The following RRP7A variants were observed in gnomAD, a reference collection of about 807,000 sequenced individuals.
RRP7A encodes the protein ribosomal RNA processing 7 homolog A.
In RRP7A, 27 loss-of-function variants were observed where a neutral mutation model predicts 38.4. That is an observed-to-expected ratio of 0.70 (90% CI 0.52 to 0.97). The LOEUF is 0.97. RRP7A is among the 50% of genes least tolerant of loss of function. RRP7A has a pLI of 0.00. For missense variants in RRP7A, 327 were observed against 375.4 expected, an observed-to-expected ratio of 0.87 and a Z score of 1.07; for synonymous variants, 124 against 150.3, an observed-to-expected ratio of 0.83 and a Z score of 1.28.
In RRP7A at chr22:42,512,969, C is replaced by T. The variant is rs373463538; in HGVS notation, c.784G>A (p.Glu262Lys). ...EHLAQLRKKF[E>K]EDKQRIELLR... Reference sequence around the variant, plus strand: ...AGCTCGATCCTCTGCTTGTCCTCCTCGAACTTCTTGCGCAGCTGCGCTAGA... The same window carrying T: ...AGCTCGATCCTCTGCTTGTCCTCCTTGAACTTCTTGCGCAGCTGCGCTAGA... Residue 262 changes from glutamate to lysine, a missense_variant, in exon 7 of 7, where the codon GAG (glutamate) becomes AAG (lysine). Around this residue, in one of 5 missense-constraint regions of RRP7A, gnomAD observed 84 missense variants for 82.8 expected, o/e 1.01. Transcript: ENST00000323013. The T allele has an allele frequency of 4.5e-5, 72 of 1,613,280 alleles. No homozygotes were observed. Among genetic ancestry groups the T allele is most frequent in the South Asian group, 2.5e-4 (23 of 91,036 alleles).
chr22:42,515,976 C>G (rs909314482), intron 3 of RRP7A, 35 bp downstream of exon 3: 30 of 1,561,558 alleles, frequency 1.9e-5, no homozygotes, highest in African/African-American at 2.7e-5. Context: ...CCCCACCCCC[C>G]TCACTCTAGT....
rs778773648 is a variant in RRP7A, at chr22:42,509,156, G to C, written c.*3754C>G. 1 of 1,612,630 alleles carries C rather than the reference G, an allele frequency of 6.2e-7. No individual in the cohort carries two copies. The highest frequency in any genetic ancestry group is 1.1e-5 in the South Asian group (1 of 90,972). The stretch of plus-strand genomic sequence containing the variant: ...TTCAGTCACCCCCCAAGGAGACATG[G>C]GCGCCAGGAATCTCTGGGAGGGGGC... On this transcript the variant is annotated 3_prime_UTR_variant, in exon 7 of 7. Coordinates refer to ENST00000323013, the MANE Select transcript of RRP7A (RefSeq NM_015703.5).
In RRP7A at chr22:42,510,888, G is replaced by C. The variant is rs528469974; in HGVS notation, c.*2022C>G. 2.7e-6 allele frequency: 2 copies of C among 752,858 alleles called. No individual in the cohort carries two copies. Among genetic ancestry groups the C allele is most frequent in the East Asian group, 6.0e-5 (1 of 16,802 alleles). 46.6% of individuals were successfully genotyped at this position (752,858 alleles called of 1,614,324 possible). A position where few individuals can be genotyped will look rare whatever the true frequency, so the allele number is the denominator to read the frequency against. On this transcript the variant is annotated 3_prime_UTR_variant, in exon 7 of 7. Coordinates refer to ENST00000323013, the MANE Select transcript of RRP7A (RefSeq NM_015703.5). ...CTCATGCTCCAGTGATCAGTCCCTA[G>C]AGGCCTGGGGACACATGTAATCAGA...
chr22:42,512,187 A>G lies in RRP7A; in HGVS notation c.*723T>C, dbSNP rs1168800146. ...GAGCGAACCCCAGCACGTGGCCAGT[A>G]TCATCAGCTCCTTCTTACAGTGCAC... On this transcript the variant is annotated 3_prime_UTR_variant, in exon 7 of 7. Coordinates refer to ENST00000323013, the MANE Select transcript of RRP7A (RefSeq NM_015703.5). 26 of 1,611,014 alleles carry G rather than the reference A, an allele frequency of 1.6e-5. No homozygotes were observed. The highest frequency in any genetic ancestry group is 2.0e-5 in the Non-Finnish European group (24 of 1,177,480).
Position 42,516,142 on chromosome 22 carries a change from G to C in RRP7A, c.217-6C>G, listed in dbSNP as rs745424965. 1.9e-6 allele frequency: 3 copies of C among 1,612,360 alleles called. No individual in the cohort carries two copies. Among genetic ancestry groups the C allele is most frequent in the Non-Finnish European group, 2.5e-6 (3 of 1,179,168 alleles). ...AGGAGGCGGGACAGGCTCTCCTGCCGCAGGGAGAGGGAAGCCAAGTGTGAG... is the reference window on the plus strand; with the variant it reads ...AGGAGGCGGGACAGGCTCTCCTGCCCCAGGGAGAGGGAAGCCAAGTGTGAG... On this transcript the variant is annotated splice_polypyrimidine_tract_variant and splice_region_variant and intron_variant, in intron 2 of 6. Transcript: ENST00000323013.
chr22:42,516,177 G>A (rs1036385003), intron 2 of RRP7A, 41 bp from the exon 3 acceptor site: 2 of 1,608,442 alleles, frequency 1.2e-6, no homozygotes, highest in African/African-American at 2.7e-5. Context: ...GCATCCGCAG[G>A]GCCATCCCAA....
intron 1 of RRP7A, among the ~76,000 whole-genome samples, chr22:42,518,931 A>G (rs113062148): frequency 0.1 from 13,378 of 133,808 alleles, 1,163 homozygotes; most frequent in African/African-American, 0.13. Context: ...CAATTGTGAA[A>G]GAAACATTAC....
chr22:42,513,708 CA>C (rs1920923195), intron 6 of RRP7A, among the ~76,000 whole-genome samples: 2 of 149,106 alleles, frequency 1.3e-5, no homozygotes, highest in African/African-American at 2.5e-5. Flanking sequence ...CACACACACA[CA>C]CACACCCACC....
At chr22:42,514,019 G>A (rs537693827) in intron 6 of RRP7A, 87 bp downstream of exon 6, 190 of 1,173,518 alleles carry the variant, frequency 1.6e-4, no homozygotes, top group African/African-American at 1.3e-3. Flanking sequence ...CAAGTCCAGC[G>A]CCCGCCCTCA....
At chr22:42,514,430 C>T (rs1920924966) in intron 5 of RRP7A, 126 bp from the exon 6 acceptor site, 1 of 768,504 alleles carries the variant, frequency 1.3e-6, no homozygotes, top group Non-Finnish European at 2.1e-6. Context: ...CTCCCCTCCT[C>T]CCAGCACAGT....
At chr22:42,518,780 C>T in intron 1 of RRP7A, 1 of 470,342 alleles carries the variant, frequency 2.1e-6, no homozygotes, top group Non-Finnish European at 4.4e-6. Context: ...TGACTGTAAT[C>T]CTCATAAAGC....
chr22:42,508,950 C>T lies in RRP7A; in HGVS notation c.*3960G>A, dbSNP rs535969576. 148 of 1,602,290 alleles carry T rather than the reference C, an allele frequency of 9.2e-5. 1 individual carries two copies. The African/African-American group carries it at 1.9e-3, about 20-fold the overall frequency. ...GGTGCCCTCGCCAGGGCTTAGCCAC[C>T]CCAACAGAGATGGGTTTCGTGCCCA... On this transcript the variant is annotated 3_prime_UTR_variant, in exon 7 of 7. Coordinates refer to ENST00000323013, the MANE Select transcript of RRP7A (RefSeq NM_015703.5).
chr22:42,512,861 GCCT>G lies in RRP7A; in HGVS notation c.*46_*48del. On this transcript the variant is annotated 3_prime_UTR_variant, in exon 7 of 7. Transcript: ENST00000323013. ...CAGAGACCGCTGCAGGCCCTGCCTC[GCCT>G]CCTCCTGGCCCTGCACCTCCAGCCA... The G allele has an allele frequency of 1.3e-6, 2 of 1,566,460 alleles. No homozygotes were observed. Among genetic ancestry groups the G allele is most frequent in the East Asian group, 2.3e-5 (1 of 44,052 alleles).
Position 42,509,128 on chromosome 22 carries a change from C to T in RRP7A, c.*3782G>A, listed in dbSNP as rs753808034. 2 of 1,614,030 alleles carry T rather than the reference C, an allele frequency of 1.2e-6. No homozygotes were observed. Among genetic ancestry groups the T allele is most frequent in the Non-Finnish European group, 8.5e-7 (1 of 1,179,910 alleles). ...TTGATCAAGTGAGTCTGGACCCATCCCCTTCAGTCACCCCCCAAGGAGACA... is the reference window on the plus strand; with the variant it reads ...TTGATCAAGTGAGTCTGGACCCATCTCCTTCAGTCACCCCCCAAGGAGACA... On this transcript the variant is annotated 3_prime_UTR_variant, in exon 7 of 7. Transcript: ENST00000323013.
At position 42,511,918 on chromosome 22, in the gene RRP7A, A is replaced by G; in HGVS notation, c.*992T>C. 1 of 651,660 alleles carries G rather than the reference A, an allele frequency of 1.5e-6. No individual in the cohort carries two copies. The highest frequency in any genetic ancestry group is 2.6e-5 in the East Asian group (1 of 38,232). 40.4% of individuals were successfully genotyped at this position (651,660 alleles called of 1,614,324 possible). A position where few individuals can be genotyped will look rare whatever the true frequency, so the allele number is the denominator to read the frequency against. On this transcript the variant is annotated 3_prime_UTR_variant, in exon 7 of 7. Coordinates refer to ENST00000323013, the MANE Select transcript of RRP7A (RefSeq NM_015703.5). The stretch of plus-strand genomic sequence containing the variant: ...GGCCTAGACCCCTGGGAGGCCTCCA[A>G]GTCCCTAAGGTTAGACATCTCCTGG...
intron 6 of RRP7A, 74 bp from the exon 7 acceptor site, chr22:42,513,069 C>T: frequency 3.2e-6 from 4 of 1,255,856 alleles, no homozygotes; most frequent in Non-Finnish European, 3.4e-6. Context: ...ATGCCCCACC[C>T]CTCCTCCCAG....
rs1330323657 is a variant in RRP7A, at chr22:42,511,955, C to T, written c.*955G>A. The T allele has an allele frequency of 1.2e-5, 8 of 685,910 alleles. No homozygotes were observed. The highest frequency in any genetic ancestry group is 1.8e-5 in the Non-Finnish European group (7 of 380,650). 42.5% of individuals were successfully genotyped at this position (685,910 alleles called of 1,614,324 possible). ...TAGACATCTCCTGGGGTGCTATGGA[C>T]TGTCGGGGCTCCAAGGAGCCGAGTG... On this transcript the variant is annotated 3_prime_UTR_variant, in exon 7 of 7. Coordinates refer to ENST00000323013, the MANE Select transcript of RRP7A (RefSeq NM_015703.5).
In RRP7A at chr22:42,512,836, C is replaced by CA. The variant is rs1932510117; in HGVS notation, c.*73dup. 1.5e-5 allele frequency: 23 copies of CA among 1,488,368 alleles called. No homozygotes were observed. The South Asian group carries it at 2.6e-4, about 17-fold the overall frequency. 92.2% of individuals were successfully genotyped at this position (1,488,368 alleles called of 1,614,324 possible). On this transcript the variant is annotated 3_prime_UTR_variant, in exon 7 of 7. Coordinates refer to ENST00000323013, the MANE Select transcript of RRP7A (RefSeq NM_015703.5). ...GCCCGTTGGCCAGAGCTCGGCCTCTCAGAGACCGCTGCAGGCCCTGCCTCG... is the reference window on the plus strand; with the variant it reads ...GCCCGTTGGCCAGAGCTCGGCCTCTCAAGAGACCGCTGCAGGCCCTGCCTCG...
chr22:42,515,863 T>A, intron 3 of RRP7A, 148 bp downstream of exon 3: 1 of 1,041,352 alleles, frequency 9.6e-7, no homozygotes, highest in Non-Finnish European at 1.4e-6. Flanking sequence ...GCAGGCTTTG[T>A]CACCCAGACA....
Sources: allele counts gnomAD v4.1 joint callset (sites outside exome capture counted in the v4.1 genomes callset), GRCh38; gene constraint gnomAD v4.1.1; regional missense constraint gnomAD v4.1.1; transcripts MANE v1.5; gene names NCBI Gene and HGNC (gene_info 2026-07-23, HGNC 2026-07-21).